FBH1: variants seen among roughly 807,000 people sequenced by gnomAD.
The protein encoded by FBH1 is F-box DNA helicase 1.
Under a neutral mutation model 115.5 loss-of-function variants are expected in FBH1, and 43 were observed. That is an observed-to-expected ratio of 0.37 (90% CI 0.29 to 0.48). FBH1 has a LOEUF of 0.48. Among genes scored for constraint, FBH1 ranks in the 20% least tolerant of loss-of-function variants. FBH1 has a pLI of 0.99. For missense variants in FBH1, 1,001 were observed against 1,337.3 expected, an observed-to-expected ratio of 0.75 and a Z score of 3.92; for synonymous variants, 524 against 507.8, an observed-to-expected ratio of 1.03 and a Z score of -0.43.
chr10:5,929,030 A>G (rs1403453036), intron 19 of FBH1, among the ~76,000 whole-genome samples: 1 of 152,126 alleles, frequency 6.6e-6, no homozygotes, highest in African/African-American at 2.4e-5. Context: ...ACCACTTTTG[A>G]GTAAATGATA....
chr10:5,931,273 C>T lies in FBH1; in HGVS notation c.2829+3732C>T, dbSNP rs1297944360. On this transcript the variant is annotated intron_variant, in intron 19 of 20. Transcript: ENST00000362091. This position sits in a 1 kb window ranked among gnomAD's most constrained non-coding sequence, Gnocchi z 4.3. ...CGCATTACCTTGCTTTGTTGCACAA[C>T]GGCACCTTTTTCTTTTTTCTTTTTA... Among the ~76,000 whole-genome samples the T allele has an allele frequency of 2.6e-5, 4 of 152,196 alleles. No individual in the cohort carries two copies. The highest frequency in any genetic ancestry group is 1.9e-4 in the East Asian group (1 of 5,200).
At chr10:5,894,307 C>G (rs1564427593) in intron 1 of FBH1, 9 of 1,487,426 alleles carry the variant, frequency 6.1e-6, no homozygotes, top group Non-Finnish European at 8.0e-6. Context: ...CCAAATACTT[C>G]TCAATTTCTT....
In FBH1 at chr10:5,932,300, T is replaced by G. The variant is rs189370587; in HGVS notation, c.2830-4156T>G. On this transcript the variant is annotated intron_variant, in intron 19 of 20. Coordinates refer to ENST00000362091, the MANE Select transcript of FBH1 (RefSeq NM_178150.3). The surrounding 1 kb of genome is among the most constrained non-coding windows in gnomAD (Gnocchi z 5.9). Reference sequence around the variant, plus strand: ...ATGCAAGTATTAGCAAATTCGTAGGTATTTTCATATTCTCCTTTTCCACAG... The same window carrying G: ...ATGCAAGTATTAGCAAATTCGTAGGGATTTTCATATTCTCCTTTTCCACAG... Among the ~76,000 whole-genome samples, 618 of 152,352 alleles carry G rather than the reference T, an allele frequency of 4.1e-3. 2 individuals carry two copies. The highest frequency in any genetic ancestry group is 0.014 in the African/African-American group (588 of 41,580).
Position 5,923,583 on chromosome 10 carries a change from A to C in FBH1, c.2323-38A>C. ...CAACAAACAAAACAAAACAAAAAAC[A>C]ACAAAAAAACAAAAATCCCACCAAA... On this transcript the variant is annotated intron_variant, in intron 15 of 20. Transcript: ENST00000362091. The surrounding 1 kb of genome is among the most constrained non-coding windows in gnomAD (Gnocchi z 5.7). The C allele has an allele frequency of 6.4e-7, 1 of 1,558,166 alleles. No homozygotes were observed. Among genetic ancestry groups the C allele is most frequent in the African/African-American group, 1.4e-5 (1 of 73,130 alleles).
Position 5,931,720 on chromosome 10 carries a change from T to C in FBH1, c.2829+4179T>C, listed in dbSNP as rs1832982221. 1.3e-5 allele frequency among the ~76,000 whole-genome samples: 2 copies of C among 152,274 alleles called. No individual in the cohort carries two copies. The highest frequency in any genetic ancestry group is 4.1e-4 in the South Asian group (2 of 4,834). On this transcript the variant is annotated intron_variant, in intron 19 of 20. Transcript: ENST00000362091. This position sits in a 1 kb window ranked among gnomAD's most constrained non-coding sequence, Gnocchi z 4.3. ...CACTTAAAGTAAGTCCTTTTTGCTTTTGTGGTTTTATTACCAACTTAATTT... is the reference window on the plus strand; with the variant it reads ...CACTTAAAGTAAGTCCTTTTTGCTTCTGTGGTTTTATTACCAACTTAATTT...
intron 1 of FBH1, among the ~76,000 whole-genome samples, chr10:5,891,594 G>T (rs1203994659): frequency 2.0e-5 from 3 of 152,088 alleles, no homozygotes; most frequent in Non-Finnish European, 2.9e-5. Flanking sequence ...GGACACACGG[G>T]TTCACAGTAG....
At chr10:5,908,892 T>C in intron 3 of FBH1, 33 bp from the exon 4 acceptor site, 1 of 1,611,704 alleles carries the variant, frequency 6.2e-7, no homozygotes, top group Non-Finnish European at 8.5e-7. Context: ...GCCCTTTGCC[T>C]CATGTTATTT....
rs2296137 is a variant in FBH1 at position 5,910,670 on chromosome 10, G to A, written c.1021-268G>A. On this transcript the variant is annotated intron_variant, in intron 5 of 20. Transcript: ENST00000362091. The surrounding 1 kb of genome is among the most constrained non-coding windows in gnomAD (Gnocchi z 4.8). The stretch of plus-strand genomic sequence containing the variant: ...GCTCATATTTTTAGACTGTCTCTCT[G>A]TCCAAGGTTCTATGTTAGATACTTC... Among the ~76,000 whole-genome samples the A allele has an allele frequency of 0.048, 7,303 of 152,116 alleles. 248 individuals carry two copies. The highest frequency in any genetic ancestry group is 0.15 in the East Asian group (783 of 5,174).
chr10:5,890,512 T>C (rs10905405), intron 1 of FBH1, among the ~76,000 whole-genome samples, 166 bp downstream of exon 1: 73,223 of 149,550 alleles, frequency 0.49, 18,914 homozygotes, highest in East Asian at 0.83. Flanking sequence ...GGCTCGGCCG[T>C]CCGGGCCGTG....
At position 5,899,963 on chromosome 10, in the gene FBH1, C is replaced by A. The variant is rs146335392; in HGVS notation, c.2-3057C>A. 1.3e-3 allele frequency among the ~76,000 whole-genome samples: 204 copies of A among 152,298 alleles called. 1 individual carries two copies. The highest frequency in any genetic ancestry group is 4.7e-3 in the African/African-American group (194 of 41,552). ...GAATAAGATGATTTGCTGTTGTTTT[C>A]CTCTAAATAAACTGGTCAGCAACAT... On this transcript the variant is annotated intron_variant, in intron 1 of 20. Coordinates refer to ENST00000362091, the MANE Select transcript of FBH1 (RefSeq NM_178150.3).
Position 5,924,173 on chromosome 10 carries a change from A to T in FBH1, c.2399-138A>T. The T allele has an allele frequency of 1.4e-6, 1 of 732,594 alleles. No individual in the cohort carries two copies. Among genetic ancestry groups the T allele is most frequent in the Admixed American group, 2.4e-5 (1 of 42,478 alleles). The allele number at this position is 732,594 out of a possible 1,614,324, so 45.4% of individuals were successfully genotyped here. ...CCCAGGGACACACAGCGAGTTAGTG[A>T]TGCAGTCAGGCCTGGAACCCGGGTC... On this transcript the variant is annotated intron_variant, in intron 16 of 20. Transcript: ENST00000362091. This position sits in a 1 kb window ranked among gnomAD's most constrained non-coding sequence, Gnocchi z 6.2.
chr10:5,890,467 G>A, intron 1 of FBH1, 121 bp downstream of exon 1: 1 of 320,984 alleles, frequency 3.1e-6, no homozygotes, highest in South Asian at 1.4e-4. Flanking sequence ...GGCCCCGGGG[G>A]CGCGAGGCTG....
chr10:5,894,600 A>C, intron 1 of FBH1: 1 of 763,240 alleles, frequency 1.3e-6, no homozygotes, highest in Non-Finnish European at 2.4e-6. Context: ...GAACTGCAAA[A>C]GCTGTAAAGC....
In FBH1 at chr10:5,910,459, C is replaced by A. The variant is rs924206524; in HGVS notation, c.1021-479C>A. 6.6e-6 allele frequency among the ~76,000 whole-genome samples: 1 copy of A among 152,132 alleles called. No homozygotes were observed. Among genetic ancestry groups the A allele is most frequent in the Non-Finnish European group, 1.5e-5 (1 of 68,034 alleles). ...CTAATAATAAATAGCAAGTTAACAC[C>A]GTCATGCTGGAGAACTGCCAGATTT... is the stretch of plus-strand genomic sequence containing the variant. On this transcript the variant is annotated intron_variant, in intron 5 of 20. Coordinates refer to ENST00000362091, the MANE Select transcript of FBH1 (RefSeq NM_178150.3). This position sits in a 1 kb window ranked among gnomAD's most constrained non-coding sequence, Gnocchi z 4.8.
At chr10:5,898,388 A>ACC in intron 1 of FBH1, among the ~76,000 whole-genome samples, 1 of 150,880 alleles carries the variant, frequency 6.6e-6, no homozygotes, top group African/African-American at 2.4e-5. Context: ...CACCCTTGTG[A>ACC]CCTTATCACT....
rs751384411 is a variant in FBH1, at chr10:5,913,891, C to T, written c.1304+52C>T. ...GTTTTGTCTTCTGTCGACTCTTCCT[C>T]ATACTTAAGGAGGGAGATGTTTTGC... On this transcript the variant is annotated intron_variant, in intron 7 of 20. Transcript: ENST00000362091. The surrounding 1 kb of genome is among the most constrained non-coding windows in gnomAD (Gnocchi z 4.4). 2.9e-5 allele frequency: 40 copies of T among 1,367,376 alleles called. No individual in the cohort carries two copies. In the Middle Eastern group the frequency reaches 5.4e-4, roughly 18 times the overall value. 84.7% of individuals were successfully genotyped at this position (1,367,376 alleles called of 1,614,324 possible). A position where few individuals can be genotyped will look rare whatever the true frequency, so the allele number is the denominator to read the frequency against.
rs185350778 is a variant in FBH1, at chr10:5,913,239, A to G, written c.1212-508A>G. On this transcript the variant is annotated intron_variant, in intron 6 of 20. Transcript: ENST00000362091. The surrounding 1 kb of genome is among the most constrained non-coding windows in gnomAD (Gnocchi z 4.4). ...TTAGTAGTCAGATCTTGTTATCCAT[A>G]GTGTAGTCCCTTTTCTTGGGACCTT... 5.0e-3 allele frequency among the ~76,000 whole-genome samples: 766 copies of G among 152,264 alleles called. 4 individuals carry two copies. Among genetic ancestry groups the G allele is most frequent in the Middle Eastern group, 0.01 (3 of 294 alleles).
chr10:5,892,129 G>A (rs1366072133), intron 1 of FBH1, among the ~76,000 whole-genome samples: 1 of 152,202 alleles, frequency 6.6e-6, no homozygotes, highest in Admixed American at 6.5e-5. Flanking sequence ...AATGGATGGA[G>A]CTGTTTCCTG....
intron 2 of FBH1, among the ~76,000 whole-genome samples, chr10:5,905,019 A>G (rs1205964110): frequency 6.6e-6 from 1 of 152,236 alleles, no homozygotes; most frequent in African/African-American, 2.4e-5. Context: ...AATAATTTTT[A>G]GGAGTTTGAA....
Sources: gnomAD v4.1 joint callset for allele counts (sites outside exome capture counted in the v4.1 genomes callset) on GRCh38, gnomAD v4.1.1 for gene constraint, Gnocchi (gnomAD v3.1) non-coding constraint, MANE v1.5 for transcripts, NCBI Gene and HGNC (gene_info 2026-07-23, HGNC 2026-07-21) for gene names.